The following MTA3 variants were observed in gnomAD, a reference collection of about 807,000 sequenced individuals.
MTA3 encodes metastasis associated 1 family member 3, also known as metastasis-associated protein MTA3.
A neutral mutation model predicts 83.5 loss-of-function variants in MTA3; 34 were observed. That is an observed-to-expected ratio of 0.41 (90% CI 0.31 to 0.54). MTA3 has a LOEUF of 0.54. MTA3 is among the 20% of genes least tolerant of loss of function. The pLI is 0.33. For missense variants in MTA3, 761 were observed against 726.4 expected, an observed-to-expected ratio of 1.05 and a Z score of -0.55; for synonymous variants, 303 against 252.7, an observed-to-expected ratio of 1.20 and a Z score of -1.89.
intron 4 of MTA3, among the ~76,000 whole-genome samples, chr2:42,635,724 G>A (rs939921743): frequency 1.3e-5 from 2 of 151,884 alleles, no homozygotes; most frequent in African/African-American, 4.8e-5. Context: ...ACTGTTTGTT[G>A]AACAAGGCAA....
chr2:42,527,257 A>G (rs1443024909), intron 2 of MTA3, among the ~76,000 whole-genome samples: 1 of 152,064 alleles, frequency 6.6e-6, no homozygotes, highest in African/African-American at 2.4e-5. Flanking sequence ...GTGTTGACCA[A>G]TCAACACTCA....
At chr2:42,535,945 C>G (rs954230909) in intron 2 of MTA3, among the ~76,000 whole-genome samples, 5 of 144,278 alleles carry the variant, frequency 3.5e-5, no homozygotes, top group Admixed American at 7.0e-5. Context: ...ATAGTGAGAT[C>G]CCGTCTCTAC....
At chr2:42,621,210 T>G (rs1482691989) in intron 4 of MTA3, among the ~76,000 whole-genome samples, 1 of 149,310 alleles carries the variant, frequency 6.7e-6, no homozygotes, top group Non-Finnish European at 1.5e-5. Context: ...AGGACAATAG[T>G]GGAGGGAAGG....
chr2:42,499,165 G>A (rs1572882301), intron 2 of MTA3, among the ~76,000 whole-genome samples: 1 of 151,746 alleles, frequency 6.6e-6, no homozygotes, highest in Admixed American at 6.6e-5. Flanking sequence ...TGCTAAGAGG[G>A]TAGATCTTTT....
At chr2:42,524,204 T>C (rs188738343) in intron 2 of MTA3, among the ~76,000 whole-genome samples, 12 of 152,216 alleles carry the variant, frequency 7.9e-5, no homozygotes, top group African/African-American at 2.4e-4. Flanking sequence ...TTGTACACTC[T>C]TCCCCTGGTA....
intron 2 of MTA3, among the ~76,000 whole-genome samples, chr2:42,551,043 C>CTAAA (rs1202330308): frequency 7.6e-5 from 11 of 144,404 alleles, no homozygotes; most frequent in African/African-American, 2.3e-4. Context: ...GAACCAGACT[C>CTAAA]TGACTAAATA....
At chr2:42,609,813 T>C (rs369636012) in intron 4 of MTA3, among the ~76,000 whole-genome samples, 1 of 152,042 alleles carries the variant, frequency 6.6e-6, no homozygotes, top group Non-Finnish European at 1.5e-5. Context: ...TAACAGACTT[T>C]CCTGGCCAGG....
chr2:42,743,133 C>T (rs1375434563), intron 16 of MTA3, among the ~76,000 whole-genome samples: 1 of 152,130 alleles, frequency 6.6e-6, no homozygotes, highest in African/African-American at 2.4e-5. Flanking sequence ...AGAAAGAATC[C>T]TGGAGAGAAG....
At chr2:42,710,211 G>A (rs1666481070) in intron 14 of MTA3, among the ~76,000 whole-genome samples, 1 of 152,106 alleles carries the variant, frequency 6.6e-6, no homozygotes, top group Non-Finnish European at 1.5e-5. Context: ...ATAGTTGAAA[G>A]GCTTTAAAAC....
chr2:42,511,952 G>A (rs34870936), intron 2 of MTA3: 31,196 of 151,696 alleles, frequency 0.21, 3,296 homozygotes, highest in East Asian at 0.3. Flanking sequence ...GGGAGGCGGA[G>A]CTTGCAGTGA....
chr2:42,629,551 G>A (rs1054706165), intron 4 of MTA3, among the ~76,000 whole-genome samples: 17 of 152,274 alleles, frequency 1.1e-4, no homozygotes, highest in Admixed American at 2.0e-4. Context: ...AGGTTTAATT[G>A]TAAGGTCCTT....
intron 6 of MTA3, among the ~76,000 whole-genome samples, chr2:42,654,107 T>C (rs752610910): frequency 1.3e-5 from 2 of 152,242 alleles, no homozygotes; most frequent in Non-Finnish European, 2.9e-5. Flanking sequence ...TTAGATCTTT[T>C]TGGCCTAGTA....
chr2:42,691,202 G>C (rs1039675145), intron 9 of MTA3, among the ~76,000 whole-genome samples: 1 of 151,964 alleles, frequency 6.6e-6, no homozygotes. Context: ...AATAGAGACG[G>C]GGTTTCACCA....
chr2:42,540,124 G>A (rs1376818890), intron 2 of MTA3, among the ~76,000 whole-genome samples: 1 of 151,784 alleles, frequency 6.6e-6, no homozygotes, highest in Non-Finnish European at 1.5e-5. Context: ...GTCAGGTGAA[G>A]GAGGTGGGGG....
At chr2:42,634,865 C>A (rs1304108470) in intron 4 of MTA3, among the ~76,000 whole-genome samples, 1 of 151,992 alleles carries the variant, frequency 6.6e-6, no homozygotes, top group Non-Finnish European at 1.5e-5. Flanking sequence ...ATTCCCTTTG[C>A]CATCTGTTTC....
chr2:42,506,225 G>A (rs2103655392), intron 2 of MTA3, among the ~76,000 whole-genome samples: 1 of 152,288 alleles, frequency 6.6e-6, no homozygotes, highest in South Asian at 2.1e-4. Context: ...CAGAAGAATT[G>A]TTTGAGCCCA....
At chr2:42,665,818 C>A (rs1430724139) in intron 8 of MTA3, among the ~76,000 whole-genome samples, 1 of 152,168 alleles carries the variant, frequency 6.6e-6, no homozygotes, top group Non-Finnish European at 1.5e-5. Flanking sequence ...CAAAACAATA[C>A]ATTGTATAAG....
intron 8 of MTA3, among the ~76,000 whole-genome samples, chr2:42,674,520 GTATC>G (rs1472871599): frequency 2.0e-5 from 3 of 151,968 alleles, no homozygotes; most frequent in Non-Finnish European, 4.4e-5. Context: ...ATGTGTATTG[GTATC>G]TCTATTGAAA....
intron 3 of MTA3, among the ~76,000 whole-genome samples, chr2:42,591,298 G>A (rs1477739571): frequency 5.3e-5 from 8 of 152,190 alleles, no homozygotes. Flanking sequence ...AGGATAAAAA[G>A]TGATACACCT....
Sources: allele counts gnomAD v4.1 joint callset (sites outside exome capture counted in the v4.1 genomes callset), GRCh38; gene constraint gnomAD v4.1.1; transcripts MANE v1.5; gene names NCBI Gene and HGNC (gene_info 2026-07-23, HGNC 2026-07-21).